CDH13: variants seen among roughly 807,000 people sequenced by gnomAD.
CDH13 encodes cadherin-13.
A neutral mutation model predicts 63.8 loss-of-function variants in CDH13; 24 were observed. That is an observed-to-expected ratio of 0.38 (90% CI 0.27 to 0.53). The LOEUF (loss-of-function observed/expected upper bound fraction) is 0.53, where lower values mean the gene tolerates loss of function less well. Among genes scored for constraint, CDH13 ranks in the 20% least tolerant of loss-of-function variants. The pLI, the probability that CDH13 is intolerant of heterozygous loss-of-function variation, is 0.85. For synonymous variants in CDH13, 503 were observed against 355.3 expected, an observed-to-expected ratio of 1.42 and a Z score of -4.67; for missense variants, 1,049 against 903.1, an observed-to-expected ratio of 1.16 and a Z score of -2.07.
chr16:82,740,205 T>C (rs1444379165), intron 1 of CDH13, among the ~76,000 whole-genome samples: 4 of 152,212 alleles, frequency 2.6e-5, no homozygotes, highest in African/African-American at 4.8e-5. Flanking sequence ...TTTATTATAA[T>C]GCATGCCATC....
At chr16:82,973,209 A>G (rs1338103150) in intron 2 of CDH13, among the ~76,000 whole-genome samples, 1 of 152,090 alleles carries the variant, frequency 6.6e-6, no homozygotes, top group East Asian at 1.9e-4. Flanking sequence ...TTTCATTCTG[A>G]TGCTCATTTT....
At chr16:83,580,013 A>G (rs567824123) in intron 7 of CDH13, among the ~76,000 whole-genome samples, 8 of 152,268 alleles carry the variant, frequency 5.3e-5, no homozygotes, top group Middle Eastern at 3.4e-3. Flanking sequence ...AGAGCATGGC[A>G]TGTTTGGCTA....
At chr16:82,679,955 C>T (rs1312774666) in intron 1 of CDH13, among the ~76,000 whole-genome samples, 3 of 152,206 alleles carry the variant, frequency 2.0e-5, no homozygotes, top group African/African-American at 7.2e-5. Flanking sequence ...ATATCGTGAT[C>T]TTCTTGACGG....
At chr16:82,966,436 C>T (rs1036190455) in intron 2 of CDH13, among the ~76,000 whole-genome samples, 4 of 152,172 alleles carry the variant, frequency 2.6e-5, no homozygotes, top group Non-Finnish European at 4.4e-5. Flanking sequence ...CGTGAGCCAG[C>T]GCGCCTGGCC....
At chr16:83,344,759 C>CTCA (rs1410450601) in intron 5 of CDH13, 103 bp from the exon 6 acceptor site, 5 of 1,235,488 alleles carry the variant, frequency 4.0e-6, no homozygotes, top group Non-Finnish European at 5.8e-6. Flanking sequence ...TTGCCAAGGG[C>CTCA]TCATAAAATT....
intron 2 of CDH13, among the ~76,000 whole-genome samples, chr16:82,995,939 A>G (rs1462775216): frequency 2.0e-5 from 3 of 152,198 alleles, no homozygotes; most frequent in African/African-American, 7.2e-5. Flanking sequence ...TCAAATCACA[A>G]TCCTCATACC....
chr16:83,306,748 A>G (rs1452829300), intron 5 of CDH13, among the ~76,000 whole-genome samples: 1 of 152,192 alleles, frequency 6.6e-6, no homozygotes, highest in African/African-American at 2.4e-5. Context: ...GACTCTTGCA[A>G]GCCATGATAA....
intron 3 of CDH13, among the ~76,000 whole-genome samples, chr16:83,095,624 T>G (rs1464475215): frequency 1.3e-5 from 2 of 152,214 alleles, no homozygotes; most frequent in Non-Finnish European, 2.9e-5. Flanking sequence ...GCCAAAATCC[T>G]TGGCATATGG....
intron 8 of CDH13, among the ~76,000 whole-genome samples, chr16:83,611,160 G>A (rs934462544): frequency 5.9e-5 from 9 of 151,922 alleles, no homozygotes; most frequent in Non-Finnish European, 1.0e-4. Flanking sequence ...TTCTCTTATC[G>A]ACGTGTTTAT....
chr16:82,723,626 C>G (rs2032918336), intron 1 of CDH13, among the ~76,000 whole-genome samples: 1 of 152,178 alleles, frequency 6.6e-6, no homozygotes, highest in Non-Finnish European at 1.5e-5. Context: ...TAAATGACAG[C>G]AAGGAGTTGT....
intron 4 of CDH13, among the ~76,000 whole-genome samples, chr16:83,151,723 C>T (rs1007194026): frequency 6.6e-6 from 1 of 152,124 alleles, no homozygotes; most frequent in South Asian, 2.1e-4. Context: ...CCAGCACTTT[C>T]TGAGGCAGAG....
intron 2 of CDH13, among the ~76,000 whole-genome samples, chr16:82,949,982 C>T (rs190889653): frequency 2.6e-5 from 4 of 151,960 alleles, no homozygotes; most frequent in Non-Finnish European, 5.9e-5. Context: ...AAGGAATTCA[C>T]AATGGTTAGT....
chr16:82,658,085 T>A (rs189538736), intron 1 of CDH13, among the ~76,000 whole-genome samples: 2 of 152,376 alleles, frequency 1.3e-5, no homozygotes, highest in East Asian at 3.9e-4. Context: ...AAGAAGTTTC[T>A]GTCTGTTACT....
chr16:83,289,644 C>G (rs1408272955), intron 5 of CDH13, among the ~76,000 whole-genome samples: 1 of 152,038 alleles, frequency 6.6e-6, no homozygotes, highest in Non-Finnish European at 1.5e-5. Context: ...ACATTCACCC[C>G]AACAGTAGAA....
At chr16:83,270,922 C>G (rs2088786087) in intron 5 of CDH13, among the ~76,000 whole-genome samples, 1 of 143,808 alleles carries the variant, frequency 7.0e-6, no homozygotes, top group African/African-American at 2.6e-5. Flanking sequence ...CTCCCTCACT[C>G]CTTTCCTTTC....
chr16:83,396,169 C>G (rs969109879), intron 6 of CDH13, among the ~76,000 whole-genome samples: 3 of 152,118 alleles, frequency 2.0e-5, no homozygotes, highest in Middle Eastern at 3.2e-3. Context: ...GTATACATAC[C>G]AGAATTTGTT....
intron 2 of CDH13, among the ~76,000 whole-genome samples, chr16:82,863,753 A>G (rs1474761358): frequency 6.6e-6 from 1 of 152,204 alleles, no homozygotes; most frequent in Admixed American, 6.5e-5. Context: ...GCCATCTGAA[A>G]TTGGCTTTAA....
Position 82,865,340 on chromosome 16 carries a change from T to C in CDH13, c.157+6867T>C, listed in dbSNP as rs143831600. On this transcript the variant is annotated intron_variant, in intron 2 of 13. Transcript: ENST00000567109. ...CCCTTCTGCACTGCCTTAGCAGAAA[T>C]TCTCCATGAGGGCTCTGCCTCTGCA... Among the ~76,000 whole-genome samples, 577 of 152,318 alleles carry C rather than the reference T, an allele frequency of 3.8e-3. 7 individuals carry two copies. Among genetic ancestry groups the C allele is most frequent in the Non-Finnish European group, 6.4e-3 (438 of 68,030 alleles).
intron 6 of CDH13, among the ~76,000 whole-genome samples, chr16:83,449,228 C>T (rs1388800906): frequency 1.3e-5 from 2 of 152,092 alleles, no homozygotes; most frequent in South Asian, 2.1e-4. Context: ...ATGTCAAGCC[C>T]TTGGAGATAG....
Sources: gnomAD v4.1 joint callset for allele counts (sites outside exome capture counted in the v4.1 genomes callset) on GRCh38, gnomAD v4.1.1 for gene constraint, MANE v1.5 for transcripts, NCBI Gene and HGNC (gene_info 2026-07-23, HGNC 2026-07-21) for gene names.